The following TOP3B variants were observed in gnomAD, a reference collection of about 807,000 sequenced individuals.
TOP3B encodes DNA topoisomerase 3-beta-1.
A neutral mutation model predicts 93.9 loss-of-function variants in TOP3B; 45 were observed. The observed-to-expected ratio is 0.48, with a 90% CI of 0.38 to 0.61. The LOEUF is 0.61. TOP3B is among the 20% of genes least tolerant of loss of function. The probability of loss-of-function intolerance (pLI) is 0.00; values close to 1 mark genes in which losing one functional copy is unlikely to be tolerated. For missense variants in TOP3B, 750 were observed against 1,156.1 expected, an observed-to-expected ratio of 0.65 and a Z score of 5.09; for synonymous variants, 357 against 472.6, an observed-to-expected ratio of 0.76 and a Z score of 3.17.
chr22:21,961,376 C>T (rs2071174598), intron 13 of TOP3B: 1 of 152,350 alleles, frequency 6.6e-6, no homozygotes. Context: ...CCACCCTGAC[C>T]ACTCTCCTGT....
chr22:21,979,955 A>AG (rs2084591485), intron 1 of TOP3B, among the ~76,000 whole-genome samples: 1 of 150,676 alleles, frequency 6.6e-6, no homozygotes, highest in African/African-American at 2.4e-5. Flanking sequence ...AAAAAAAAAA[A>AG]AAAAAAAAAG....
At chr22:21,964,368 G>C in intron 9 of TOP3B, 53 bp from the exon 10 acceptor site, 1 of 1,597,610 alleles carries the variant, frequency 6.3e-7, no homozygotes, top group South Asian at 1.1e-5. Context: ...ATGGCCAGCT[G>C]CCTGCCCTGG....
chr22:21,958,372 A>G (rs765661137), intron 17 of TOP3B, 120 bp downstream of exon 17: 10 of 1,550,488 alleles, frequency 6.4e-6, no homozygotes, highest in East Asian at 2.3e-5. Flanking sequence ...CTCAGTGCCA[A>G]TGAGTGCAGG....
At chr22:21,973,944 T>C (rs2266977) in intron 3 of TOP3B, 19,918 of 154,036 alleles carry the variant, frequency 0.13, 1,407 homozygotes, top group African/African-American at 0.17. Flanking sequence ...TCACTAATAC[T>C]GGCGCTTCCA....
At chr22:21,975,423 G>A in intron 2 of TOP3B, 1 of 481,014 alleles carries the variant, frequency 2.1e-6, no homozygotes, top group South Asian at 3.8e-5. Context: ...CAATTTCATT[G>A]TAAATTGTGC....
In TOP3B at chr22:21,965,364, T is replaced by A; in HGVS notation, c.864A>T (p.Thr288=). 8.7e-6 allele frequency: 14 copies of A among 1,604,202 alleles called. No homozygotes were observed. Among genetic ancestry groups the A allele is most frequent in the Non-Finnish European group, 1.0e-5 (12 of 1,175,328 alleles). ...TCTGCTTGGCCTTTTCTTTCCTGCT[T>A]GTGGCCTCCACCTGGAAGACAGGAC... ...KLEKEAQVEA[T]SRKEKAKQRP... Residue 288 remains threonine, a synonymous_variant, in exon 9 of 18, where the codon ACA becomes ACT. Coordinates refer to ENST00000357179, the MANE Select transcript of TOP3B (RefSeq NM_001282112.2).
chr22:21,959,123 T>C lies in TOP3B; in HGVS notation c.1905+9A>G, dbSNP rs2071054668. 8.1e-6 allele frequency: 13 copies of C among 1,613,646 alleles called. No homozygotes were observed. Among genetic ancestry groups the C allele is most frequent in the Non-Finnish European group, 1.1e-5 (13 of 1,179,950 alleles). ...GCAGCTTGCCTGAGCTAGTGTTCCC[T>C]GCACCTACCTGGATGTACTTCATGA... On this transcript the variant is annotated intron_variant, in intron 16 of 17. Transcript: ENST00000357179.
At position 21,968,161 on chromosome 22, in the gene TOP3B, C is replaced by T. The variant is rs562907741; in HGVS notation, c.739-445G>A. The T allele has an allele frequency of 7.9e-4, 182 of 229,138 alleles. 1 individual carries two copies. Among genetic ancestry groups the T allele is most frequent in the African/African-American group, 3.7e-3 (162 of 44,334 alleles). The allele number at this position is 229,138 out of a possible 1,614,324, so 14.2% of individuals were successfully genotyped here. On this transcript the variant is annotated intron_variant, in intron 7 of 17. Coordinates refer to ENST00000357179, the MANE Select transcript of TOP3B (RefSeq NM_001282112.2). ...CACTGTAGCCTTGGACTCCTGGCCTCAAGCAATCCTCTTGCCTCAGCCTCC... is the reference window on the plus strand; with the variant it reads ...CACTGTAGCCTTGGACTCCTGGCCTTAAGCAATCCTCTTGCCTCAGCCTCC...
Position 21,963,841 on chromosome 22 carries a change from G to T in TOP3B, c.1204+82C>A. On this transcript the variant is annotated intron_variant, in intron 11 of 17. Transcript: ENST00000357179. The surrounding 1 kb of genome is among the most constrained non-coding windows in gnomAD (Gnocchi z 4.8). ...CAGAGGCTGAAGGAGCCCCCACATT[G>T]CCAACAGGGCCTGCAACCTTCACTG... is the stretch of plus-strand genomic sequence containing the variant. 1 of 1,460,460 alleles carries T rather than the reference G, an allele frequency of 6.8e-7. No homozygotes were observed. Among genetic ancestry groups the T allele is most frequent in the Non-Finnish European group, 9.5e-7 (1 of 1,056,152 alleles). 90.5% of individuals were successfully genotyped at this position (1,460,460 alleles called of 1,614,324 possible). A position where few individuals can be genotyped will look rare whatever the true frequency, so the allele number is the denominator to read the frequency against.
chr22:21,967,350 T>C (rs1601836080), intron 8 of TOP3B: 1 of 450,862 alleles, frequency 2.2e-6, no homozygotes, highest in Non-Finnish European at 4.0e-6. Flanking sequence ...GTGGAAGGGG[T>C]CCGACAAGGT....
chr22:21,974,160 C>A, intron 3 of TOP3B, 197 bp downstream of exon 3: 1 of 573,320 alleles, frequency 1.7e-6, no homozygotes, highest in East Asian at 3.4e-5. Flanking sequence ...TGATGGGGAC[C>A]CAGGGCTGAG....
chr22:21,963,795 C>A lies in TOP3B; in HGVS notation c.1204+128G>T. The A allele has an allele frequency of 2.2e-6, 2 of 921,720 alleles. No individual in the cohort carries two copies. The highest frequency in any genetic ancestry group is 3.4e-4 in the Middle Eastern group (1 of 2,916). The allele number at this position is 921,720 out of a possible 1,614,324, so 57.1% of individuals were successfully genotyped here. On this transcript the variant is annotated intron_variant, in intron 11 of 17. Transcript: ENST00000357179. This position sits in a 1 kb window ranked among gnomAD's most constrained non-coding sequence, Gnocchi z 4.8. ...GGAGCTCATCTTCCAGGTGGCCCCC[C>A]ATCCCCACAGCCAGGGCAGGCAGAG...
In TOP3B at chr22:21,959,173, AGAGGG is replaced by A; in HGVS notation, c.1859_1863del (p.Pro620LeufsTer27). ...AAGCGGTGGCACTTCCCACAGCGTG[AGAGGG>A]GCTTGCCTGTGGCCGCCAGGGGCGA... On this transcript the variant is annotated frameshift_variant, in exon 16 of 18. Transcript: ENST00000357179. LOFTEE classifies it high-confidence loss of function. 1 of 1,613,844 alleles carries A rather than the reference AGAGGG, an allele frequency of 6.2e-7. No homozygotes were observed.
In TOP3B at chr22:21,970,395, A is replaced by G; in HGVS notation, c.396T>C (p.Ala132=). ...GENICFEVLD[A]VLPVMNKAHG... ...GGGCCTTGTTCATGACGGGCAGAAC[A>G]GCATCAAGAACCTGGGGGTGGGGAG... The change falls in exon 6 of 18, where the codon GCT becomes GCC. Residue 132 remains alanine (A), a synonymous_variant. Transcript: ENST00000357179. The surrounding 1 kb of genome is among the most constrained non-coding windows in gnomAD (Gnocchi z 4.4). The G allele has an allele frequency of 6.2e-7, 1 of 1,613,780 alleles. No individual in the cohort carries two copies.
intron 7 of TOP3B, 34 bp from the exon 8 acceptor site, chr22:21,967,750 GA>G: frequency 1.3e-6 from 2 of 1,569,652 alleles, no homozygotes. Flanking sequence ...GAACGCACAA[GA>G]AAAAGTCTCC....
At chr22:21,980,882 C>T (rs1473490149) in intron 1 of TOP3B, among the ~76,000 whole-genome samples, 1 of 152,240 alleles carries the variant, frequency 6.6e-6, no homozygotes. Context: ...ACCCAGCATG[C>T]ACTAAATGCC....
intron 13 of TOP3B, 143 bp downstream of exon 13, chr22:21,962,286 A>G (rs1254854587): frequency 3.1e-6 from 5 of 1,590,154 alleles, no homozygotes; most frequent in Non-Finnish European, 4.3e-6. Context: ...CTGGCCACAC[A>G]CTGGGTCACC....
In TOP3B at chr22:21,971,426, G is replaced by A. The variant is rs910949235; in HGVS notation, c.384+451C>T. Reference sequence around the variant, plus strand: ...ACCTGCTTCTCTGCAGGGCTCCCAGGGTTGGCTGGAGGCAGGAGGCATCCT... The same window carrying A: ...ACCTGCTTCTCTGCAGGGCTCCCAGAGTTGGCTGGAGGCAGGAGGCATCCT... On this transcript the variant is annotated intron_variant, in intron 5 of 17. Coordinates refer to ENST00000357179, the MANE Select transcript of TOP3B (RefSeq NM_001282112.2). The surrounding 1 kb of genome is among the most constrained non-coding windows in gnomAD (Gnocchi z 4.6). 4 of 314,910 alleles carry A rather than the reference G, an allele frequency of 1.3e-5. No homozygotes were observed. The highest frequency in any genetic ancestry group is 8.8e-5 in the African/African-American group (4 of 45,540). The allele number at this position is 314,910 out of a possible 1,614,324, so 19.5% of individuals were successfully genotyped here.
rs747166317 is a variant in TOP3B at position 21,964,318 on chromosome 22, G to T, written c.944-3C>A. On this transcript the variant is annotated splice_region_variant and splice_polypyrimidine_tract_variant and intron_variant, in intron 9 of 17. Transcript: ENST00000357179. ...CATGGCGTGCTGCGGCCCCATGCCT[G>T]CGAGAGACAGGAGGTTCTCAGAGGG... 2.5e-6 allele frequency: 4 copies of T among 1,613,258 alleles called. No individual in the cohort carries two copies. Among genetic ancestry groups the T allele is most frequent in the Non-Finnish European group, 3.4e-6 (4 of 1,179,976 alleles).
Sources: allele counts gnomAD v4.1 joint callset (sites outside exome capture counted in the v4.1 genomes callset), GRCh38; gene constraint gnomAD v4.1.1; non-coding constraint Gnocchi (gnomAD v3.1); transcripts MANE v1.5; gene names NCBI Gene and HGNC (gene_info 2026-07-23, HGNC 2026-07-21).